Variants in MTREX observed in about 807,000 individuals in gnomAD.
MTREX encodes the protein exosome RNA helicase MTR4.
MTREX carries 76 observed loss-of-function variants against 135.4 expected under a neutral mutation model. That is an observed-to-expected ratio of 0.56 (90% CI 0.47 to 0.68). The LOEUF (loss-of-function observed/expected upper bound fraction) is 0.68, where lower values mean the gene tolerates loss of function less well. MTREX is among the 30% of genes least tolerant of loss of function. MTREX has a pLI of 0.00. For missense variants in MTREX, 920 were observed against 1,262.1 expected (o/e 0.73, Z 4.11); for synonymous variants, 404 against 401.6 (o/e 1.01, Z -0.07).
intron 5 of MTREX, among the ~76,000 whole-genome samples, chr5:55,338,057 AAT>A (rs1749582616): frequency 6.6e-6 from 1 of 152,158 alleles, no homozygotes; most frequent in South Asian, 2.1e-4. Context: ...TAAATCTAAT[AAT>A]ACAGTATCTG....
chr5:55,394,803 C>T (rs971571898), intron 19 of MTREX, among the ~76,000 whole-genome samples: 5 of 151,644 alleles, frequency 3.3e-5, no homozygotes, highest in Non-Finnish European at 4.4e-5. Context: ...GAGGCAAAGG[C>T]GGGCAGATCA....
intron 5 of MTREX, among the ~76,000 whole-genome samples, chr5:55,331,916 G>A (rs1749483372): frequency 6.6e-6 from 1 of 152,108 alleles, no homozygotes; most frequent in African/African-American, 2.4e-5. Flanking sequence ...ATTGTTTCAG[G>A]TGGGTGGGTA....
intron 11 of MTREX, among the ~76,000 whole-genome samples, chr5:55,348,969 T>C (rs1233919690): frequency 6.6e-6 from 1 of 152,198 alleles, no homozygotes; most frequent in Non-Finnish European, 1.5e-5. Flanking sequence ...ATAATAATAG[T>C]TCCTGTGTCC....
In MTREX at chr5:55,410,598, C is replaced by G. The variant is rs1044417469; in HGVS notation, c.2720C>G (p.Ala907Gly). The G allele has an allele frequency of 6.2e-7, 1 of 1,608,696 alleles. No homozygotes were observed. Among genetic ancestry groups the G allele is most frequent in the African/African-American group, 1.3e-5 (1 of 74,908 alleles). ...GACCTTTCTGCAGAACAGGCAACAGCATTATTAAGCTGCTTTGTGTTTCAA... is the reference window on the plus strand; with the variant it reads ...GACCTTTCTGCAGAACAGGCAACAGGATTATTAAGCTGCTTTGTGTTTCAA... ...FNDLSAEQATALLSCFVFQEN... is the reference protein window; with the variant it reads ...FNDLSAEQATGLLSCFVFQEN... The change falls in exon 23 of 27, where the codon GCA (alanine) becomes GGA (glycine). Residue 907 changes from alanine to glycine, a missense_variant. Ala to Gly is a moderately conservative substitution (Grantham distance 60). This residue lies in a region of MTREX where 467 missense variants were observed against 589.7 expected (regional missense o/e 0.79). Transcript: ENST00000230640.
chr5:55,411,406 A>T (rs757317875), intron 23 of MTREX, among the ~76,000 whole-genome samples: 1 of 152,154 alleles, frequency 6.6e-6, no homozygotes, highest in Non-Finnish European at 1.5e-5. Context: ...ACTTAGTTTA[A>T]CTTTTAAGTA....
At chr5:55,309,651 T>C (rs534419661) in intron 1 of MTREX, among the ~76,000 whole-genome samples, 5 of 152,116 alleles carry the variant, frequency 3.3e-5, no homozygotes, top group Non-Finnish European at 4.4e-5. Flanking sequence ...CTTGAGACAA[T>C]GTGAAGGGAT....
Position 55,367,990 on chromosome 5 carries a change from C to T in MTREX, c.1810+1115C>T, listed in dbSNP as rs533562213. Among the ~76,000 whole-genome samples, 15 of 152,152 alleles carry T rather than the reference C, an allele frequency of 9.9e-5. No homozygotes were observed. In the East Asian group the frequency reaches 2.9e-3, roughly 29 times the overall value. Reference sequence around the variant, plus strand: ...TTTGGAGTTTTTCTATTTTGTTTCACGAATAAGTTTGCTTTTTAAAGGCAA... The same window carrying T: ...TTTGGAGTTTTTCTATTTTGTTTCATGAATAAGTTTGCTTTTTAAAGGCAA... On this transcript the variant is annotated intron_variant, in intron 16 of 26. Transcript: ENST00000230640.
chr5:55,325,560 G>A (rs1749365616), intron 3 of MTREX, among the ~76,000 whole-genome samples: 2 of 151,276 alleles, frequency 1.3e-5, no homozygotes, highest in Admixed American at 6.6e-5. Flanking sequence ...ATGTTGGTCA[G>A]GCTGGTCTCA....
At chr5:55,361,391 TTTG>T (rs1434442311) in intron 15 of MTREX, among the ~76,000 whole-genome samples, 6 of 152,234 alleles carry the variant, frequency 3.9e-5, no homozygotes, top group Admixed American at 1.3e-4. Context: ...AATACATGTG[TTTG>T]TTGCTGGTTG....
rs182914094 is a variant in MTREX at position 55,369,538 on chromosome 5, C to T, written c.1810+2663C>T. On this transcript the variant is annotated intron_variant, in intron 16 of 26. Transcript: ENST00000230640. ...TACAGTGGAGGATAGAGGGAAAACT[C>T]CCAAATATTATCCCATTTTTTTAAA... 2.3e-3 allele frequency among the ~76,000 whole-genome samples: 357 copies of T among 152,256 alleles called. 1 individual carries two copies. Among genetic ancestry groups the T allele is most frequent in the Middle Eastern group, 0.01 (3 of 294 alleles).
At chr5:55,405,210 A>G in intron 21 of MTREX, 1 of 406,322 alleles carries the variant, frequency 2.5e-6, no homozygotes. Context: ...GTAGTATTTA[A>G]TAACTTTACA....
chr5:55,345,179 G>GGTT lies in MTREX; in HGVS notation c.1092_1093insTTG (p.Arg364_Lys365insLeu). On this transcript the variant is annotated inframe_insertion, in exon 10 of 27. Transcript: ENST00000230640. Reference sequence around the variant, plus strand: ...TTGGCCAAAGGAGACCAGAAAGGGCGGAAAGGAGGAACAAAAGGTAATTTG... The same window carrying GGTT: ...TTGGCCAAAGGAGACCAGAAAGGGCGGTTGAAAGGAGGAACAAAAGGTAATTTG... 6.2e-7 allele frequency: 1 copy of GGTT among 1,608,986 alleles called. No homozygotes were observed. Among genetic ancestry groups the GGTT allele is most frequent in the Non-Finnish European group, 8.5e-7 (1 of 1,175,810 alleles).
At chr5:55,373,972 T>A (rs557351002) in intron 16 of MTREX, among the ~76,000 whole-genome samples, 160 of 152,010 alleles carry the variant, frequency 1.1e-3, no homozygotes, top group African/African-American at 3.7e-3. Context: ...ACATAAAAAA[T>A]ACAAAAAATG....
At chr5:55,319,728 G>A (rs10036833) in intron 1 of MTREX, among the ~76,000 whole-genome samples, 22,547 of 152,090 alleles carry the variant, frequency 0.15, 2,135 homozygotes, top group African/African-American at 0.26. Context: ...CACATGTGAC[G>A]TACATACCAA....
At chr5:55,352,641 A>ATTTTTG (rs1466428748) in intron 13 of MTREX, among the ~76,000 whole-genome samples, 1 of 152,188 alleles carries the variant, frequency 6.6e-6, no homozygotes, top group East Asian at 1.9e-4. Flanking sequence ...TGAGATGATG[A>ATTTTTG]ACTAAAATAT....
At chr5:55,390,452 A>C (rs779111130) in intron 19 of MTREX, among the ~76,000 whole-genome samples, 2 of 152,040 alleles carry the variant, frequency 1.3e-5, no homozygotes, top group Non-Finnish European at 2.9e-5. Flanking sequence ...ATATTCTTGA[A>C]CTTACTTTTC....
chr5:55,362,420 G>T (rs555505251), intron 15 of MTREX, among the ~76,000 whole-genome samples: 49 of 152,188 alleles, frequency 3.2e-4, no homozygotes, highest in Non-Finnish European at 5.0e-4. Context: ...GAGTGCAGTG[G>T]TGTGATCTTG....
At chr5:55,385,255 C>T (rs1317613189) in intron 18 of MTREX, among the ~76,000 whole-genome samples, 2 of 152,098 alleles carry the variant, frequency 1.3e-5, no homozygotes, top group African/African-American at 4.8e-5. Context: ...CATCTTGCCT[C>T]TCCCAACATG....
chr5:55,423,226 G>T (rs992379259), intron 26 of MTREX: 5 of 442,398 alleles, frequency 1.1e-5, no homozygotes, highest in Non-Finnish European at 2.0e-5. Flanking sequence ...TTAAGCACTA[G>T]GGGATATAGT....
Sources: gnomAD v4.1 joint callset for allele counts (sites outside exome capture counted in the v4.1 genomes callset) on GRCh38, gnomAD v4.1.1 for gene constraint, gnomAD v4.1.1 regional missense constraint, MANE v1.5 for transcripts, NCBI Gene and HGNC (gene_info 2026-07-23, HGNC 2026-07-21) for gene names.